CCDC57: variants seen among roughly 807,000 people sequenced by gnomAD.
The protein encoded by CCDC57 is coiled-coil domain containing 57.
Under a neutral mutation model 118.9 loss-of-function variants are expected in CCDC57, and 118 were observed. The observed-to-expected ratio is 0.99, with a 90% confidence interval of 0.86 to 1.16. The LOEUF (loss-of-function observed/expected upper bound fraction) is 1.16. Ranked by LOEUF, CCDC57 falls within the 50% of genes most tolerant of loss-of-function variation. The pLI is 0.00. For synonymous variants in CCDC57, 527 were observed against 532.9 expected (o/e 0.99, Z 0.15); for missense variants, 1,300 against 1,320.7 (o/e 0.98, Z 0.24).
chr17:82,135,853 G>A (rs148158722), intron 16 of CCDC57, among the ~76,000 whole-genome samples: 157 of 152,118 alleles, frequency 1.0e-3, no homozygotes, highest in Non-Finnish European at 1.3e-3. Context: ...GATGTCAGGT[G>A]TTGGATACTG....
At chr17:82,149,239 AGATGGATGGATG>A (rs1018389081) in intron 16 of CCDC57, among the ~76,000 whole-genome samples, 1 of 87,366 alleles carries the variant, frequency 1.1e-5, no homozygotes, top group Non-Finnish European at 2.2e-5. Context: ...GTAGATGGGT[AGATGGATGGATG>A]GATGGATGGG....
intron 14 of CCDC57, among the ~76,000 whole-genome samples, chr17:82,161,336 A>C (rs1314620053): frequency 6.6e-6 from 1 of 152,146 alleles, no homozygotes; most frequent in Non-Finnish European, 1.5e-5. Context: ...TGGGGAAAAC[A>C]GCACGGTGGC....
chr17:82,193,703 C>T (rs1405689019), intron 7 of CCDC57, 53 bp downstream of exon 6: 2 of 1,507,552 alleles, frequency 1.3e-6, no homozygotes, highest in East Asian at 2.4e-5. Context: ...CCACTTCCCT[C>T]CTCTCCTGGG....
rs1194385412 is a variant in CCDC57 at position 82,201,626 on chromosome 17, C to T, written c.319G>A (p.Ala107Thr). Residue 107 changes from alanine (A) to threonine (T), a missense_variant, in exon 3 of 20, where the codon GCC becomes ACC. By Grantham distance (58) the Ala-to-Thr change is moderately conservative. Coordinates refer to ENST00000665763, the Ensembl canonical transcript of CCDC57. The stretch of plus-strand genomic sequence containing the variant: ...TCCTCCACCTTCCTGGCCTCTCTGG[C>T]TAGCGCCTGCCTCAGCTTAGCTGCC... 2.5e-6 allele frequency: 4 copies of T among 1,613,676 alleles called. No individual in the cohort carries two copies. In the African/African-American group the frequency reaches 5.3e-5, roughly 22 times the overall value.
intron 19 of CCDC57, among the ~76,000 whole-genome samples, chr17:82,124,125 C>T (rs2037107292): frequency 6.6e-6 from 1 of 151,998 alleles, no homozygotes; most frequent in African/African-American, 2.4e-5. Context: ...CAAAGACATA[C>T]AGATGCCTCG....
chr17:82,193,645 A>ATCCCTGGAGTGGGACCCTCTGC, intron 7 of CCDC57, 111 bp downstream of exon 6: 1 of 874,146 alleles, frequency 1.1e-6, no homozygotes, highest in Non-Finnish European at 1.8e-6. Context: ...CCCAGGTCCG[A>ATCCCTGGAGTGGGACCCTCTGC]TCCCTGGAGT....
At chr17:82,139,840 G>C (rs777081747) in intron 16 of CCDC57, among the ~76,000 whole-genome samples, 1 of 152,230 alleles carries the variant, frequency 6.6e-6, no homozygotes, top group Non-Finnish European at 1.5e-5. Flanking sequence ...TCGAGAAGCA[G>C]ATGGATTGTT....
chr17:82,172,725 G>C lies in CCDC57; in HGVS notation c.1642C>G (p.Gln548Glu). 1.3e-6 allele frequency: 2 copies of C among 1,594,540 alleles called. No individual in the cohort carries two copies. The highest frequency in any genetic ancestry group is 1.7e-6 in the Non-Finnish European group (2 of 1,170,546). ...GCTGTCTGGATGGGAGGAGGAATCT[G>C]ATGGCTTAGAGCCTCCATTTCTTTC... Residue 548 changes from glutamine to glutamate, a missense_variant, in exon 12 of 20, where the codon CAG becomes GAG. Coordinates refer to ENST00000665763, the Ensembl canonical transcript of CCDC57. The surrounding 1 kb of genome is among the most constrained non-coding windows in gnomAD (Gnocchi z 5.2).
intron 16 of CCDC57, chr17:82,145,959 G>A (rs1434604691): frequency 1.5e-5 from 5 of 322,846 alleles, no homozygotes; most frequent in South Asian, 4.6e-5. Flanking sequence ...TATGGGCACC[G>A]GCAGCATGAG....
chr17:82,143,807 A>G (rs934926953), intron 16 of CCDC57, among the ~76,000 whole-genome samples: 1 of 152,024 alleles, frequency 6.6e-6, no homozygotes, highest in Non-Finnish European at 1.5e-5. Context: ...GTCTAAAAAC[A>G]GCTTCCCCAG....
chr17:82,188,319 G>C (rs779246278), exon 8 of CCDC57: 13 of 1,605,996 alleles, frequency 8.1e-6, no homozygotes, highest in Non-Finnish European at 1.1e-5. Context: ...TGCAGCTCCA[G>C]AACCCTGGTC....
At chr17:82,177,782 G>A (rs2045717356) in intron 11 of CCDC57, among the ~76,000 whole-genome samples, 1 of 152,154 alleles carries the variant, frequency 6.6e-6, no homozygotes. Flanking sequence ...GGGGTGCTTG[G>A]GCACACTTAC....
intron 16 of CCDC57, among the ~76,000 whole-genome samples, chr17:82,150,368 GGT>G: frequency 7.0e-6 from 1 of 143,096 alleles, no homozygotes; most frequent in African/African-American, 2.6e-5. Context: ...CCCAGAACCT[GGT>G]GCACACCCAG....
At chr17:82,151,486 CGCACACCCAGAACCAGGT>C (rs1368368564) in intron 16 of CCDC57, 56 bp downstream of exon 15, 12 of 1,395,542 alleles carry the variant, frequency 8.6e-6, no homozygotes, top group Middle Eastern at 1.9e-4. Flanking sequence ...CAGAACCTGG[CGCACACCCAGAACCAGGT>C]GCACACCCAG....
intron 15 of CCDC57, chr17:82,157,351 C>A: frequency 1.2e-6 from 1 of 811,282 alleles, no homozygotes; most frequent in Non-Finnish European, 1.6e-6. Flanking sequence ...GAGGGCCCAA[C>A]GCTAGGCATG....
chr17:82,176,109 C>A (rs545793925), intron 11 of CCDC57, among the ~76,000 whole-genome samples: 1 of 152,166 alleles, frequency 6.6e-6, no homozygotes, highest in Non-Finnish European at 1.5e-5. Context: ...CCCCTCATGA[C>A]CTTTGGAACA....
intron 19 of CCDC57, among the ~76,000 whole-genome samples, chr17:82,103,340 T>C (rs997674270): frequency 5.9e-5 from 9 of 152,056 alleles, no homozygotes; most frequent in Admixed American, 1.3e-4. Context: ...TGGGGGGCCC[T>C]GGACGCTGCC....
intron 19 of CCDC57, among the ~76,000 whole-genome samples, chr17:82,108,322 C>T (rs919448018): frequency 1.3e-5 from 2 of 152,230 alleles, no homozygotes; most frequent in Non-Finnish European, 2.9e-5. Context: ...ACGGGCTCCT[C>T]TGTGGACAGC....
intron 19 of CCDC57, chr17:82,113,228 G>A (rs556248968): frequency 8.2e-5 from 50 of 607,014 alleles, no homozygotes; most frequent in African/African-American, 5.2e-4. Flanking sequence ...GAAGGCGGGG[G>A]GCTGGGGTTG....
Sources: gnomAD v4.1 joint callset for allele counts (sites outside exome capture counted in the v4.1 genomes callset) on GRCh38, gnomAD v4.1.1 for gene constraint, Gnocchi (gnomAD v3.1) non-coding constraint, MANE v1.5 for transcripts, NCBI Gene and HGNC (gene_info 2026-07-23, HGNC 2026-07-21) for gene names.